Variants in MICAL2 observed in about 807,000 individuals in gnomAD.
MICAL2 encodes [F-actin]-monooxygenase MICAL2.
In MICAL2, 77 loss-of-function variants were observed where a neutral mutation model predicts 127.3. The observed-to-expected ratio is 0.60, with a 90% confidence interval of 0.50 to 0.73. The LOEUF is 0.73. Ranked by LOEUF, MICAL2 falls within the 30% of genes least tolerant of loss-of-function variation. The probability of loss-of-function intolerance (pLI) is 0.00; values close to 1 mark genes in which losing one functional copy is unlikely to be tolerated. For synonymous variants in MICAL2, 570 were observed against 551.1 expected (o/e 1.03, Z -0.48); for missense variants, 1,351 against 1,434.4 (o/e 0.94, Z 0.94).
At chr11:12,160,913 T>C (rs10765929) in intron 2 of MICAL2, among the ~76,000 whole-genome samples, 74,441 of 152,126 alleles carry the variant, frequency 0.49, 21,168 homozygotes, top group Middle Eastern at 0.68. Context: ...TCTCTGCTTT[T>C]AGTATTATAA....
intron 2 of MICAL2, among the ~76,000 whole-genome samples, chr11:12,141,274 C>A (rs966919197): frequency 2.6e-4 from 40 of 152,174 alleles, no homozygotes; most frequent in African/African-American, 9.4e-4. Flanking sequence ...GGGCGAGTCA[C>A]AGAACCTCAG....
Position 12,244,310 on chromosome 11 carries a change from C to T in MICAL2, c.2784+198C>T, listed in dbSNP as rs113989765. 8.5e-3 allele frequency among the ~76,000 whole-genome samples: 1,297 copies of T among 152,312 alleles called. 21 individuals are homozygous for T. Among genetic ancestry groups the T allele is most frequent in the African/African-American group, 0.029 (1,216 of 41,568 alleles). ...CGGCAGAACAGGCAGTGTACAAAAG[C>T]TTGCCAAACAGGGCTCATTCATTCA... is the stretch of plus-strand genomic sequence containing the variant. On this transcript the variant is annotated intron_variant, in intron 21 of 27. Coordinates refer to ENST00000683283, the MANE Select transcript of MICAL2 (RefSeq NM_001282663.2).
chr11:12,264,856 T>C (rs1863554306), downstream of MICAL2, among the ~76,000 whole-genome samples: 1 of 152,208 alleles, frequency 6.6e-6, no homozygotes, highest in South Asian at 2.1e-4. Context: ...TTCTAAGCCC[T>C]AGGTACAGCA....
intron 20 of MICAL2, 32 bp downstream of exon 20, chr11:12,242,804 C>T (rs774282911): frequency 6.6e-7 from 1 of 1,516,418 alleles, no homozygotes. Context: ...CCCCCAGGAA[C>T]CTGATGCTGG....
At chr11:12,194,285 C>T (rs1317896389) in intron 3 of MICAL2, among the ~76,000 whole-genome samples, 2 of 152,214 alleles carry the variant, frequency 1.3e-5, no homozygotes, top group Non-Finnish European at 2.9e-5. Context: ...TGAATCCTAG[C>T]TTCACCACTG....
intron 32 of MICAL2, among the ~76,000 whole-genome samples, chr11:12,336,469 A>C (rs923646398): frequency 2.6e-5 from 4 of 152,156 alleles, no homozygotes; most frequent in Non-Finnish European, 5.9e-5. Context: ...GATTGCCCTG[A>C]CCAGAACTTC....
At chr11:12,283,533 A>C (rs1158927961) in intron 2 of MICAL2, among the ~76,000 whole-genome samples, 1 of 152,194 alleles carries the variant, frequency 6.6e-6, no homozygotes, top group Non-Finnish European at 1.5e-5. Context: ...GCTACAACTT[A>C]GATGAACCTG....
At chr11:12,347,748 G>A (rs892795949) in intron 32 of MICAL2, among the ~76,000 whole-genome samples, 3 of 152,064 alleles carry the variant, frequency 2.0e-5, no homozygotes, top group African/African-American at 7.2e-5. Flanking sequence ...GTATACTACA[G>A]GATGTGTATA....
chr11:12,239,146 C>T (rs1859518128), intron 16 of MICAL2, among the ~76,000 whole-genome samples: 1 of 151,896 alleles, frequency 6.6e-6, no homozygotes, highest in African/African-American at 2.4e-5. Context: ...GAAAAAATGT[C>T]AGAGAAGTAA....
chr11:12,224,487 C>T (rs1265932751), intron 12 of MICAL2, 186 bp from the exon 13 acceptor site: 8 of 655,058 alleles, frequency 1.2e-5, no homozygotes, highest in Non-Finnish European at 2.6e-6. Flanking sequence ...CTGCCACACT[C>T]CTGACCAGGC....
intron 3 of MICAL2, among the ~76,000 whole-genome samples, chr11:12,177,806 C>G (rs1394674492): frequency 6.6e-6 from 1 of 152,206 alleles, no homozygotes; most frequent in Non-Finnish European, 1.5e-5. Context: ...GTGAGGCCTG[C>G]TTTCTCAGGA....
intron 9 of MICAL2, among the ~76,000 whole-genome samples, 180 bp downstream of exon 9, chr11:12,220,638 T>C (rs1021945549): frequency 6.6e-6 from 1 of 152,258 alleles, no homozygotes; most frequent in Non-Finnish European, 1.5e-5. Flanking sequence ...CAGAGGAGCC[T>C]ATTCTGCCTC....
At chr11:12,129,124 A>G (rs527780502) in intron 1 of MICAL2, among the ~76,000 whole-genome samples, 5 of 151,636 alleles carry the variant, frequency 3.3e-5, no homozygotes, top group Non-Finnish European at 7.4e-5. Context: ...GACCATGAAT[A>G]GAATTCAATC....
chr11:12,279,326 TG>T (rs1336096020), intron 1 of MICAL2, among the ~76,000 whole-genome samples: 1 of 151,890 alleles, frequency 6.6e-6, no homozygotes, highest in Non-Finnish European at 1.5e-5. Flanking sequence ...CGAGTAGATG[TG>T]GGGAGAACAT....
intron 1 of MICAL2, among the ~76,000 whole-genome samples, chr11:12,133,891 A>C (rs1423519588): frequency 6.6e-6 from 1 of 152,246 alleles, no homozygotes; most frequent in African/African-American, 2.4e-5. Context: ...TTATGAATAA[A>C]GGAGCAGCAG....
At chr11:12,242,633 A>C (rs1565233970) in intron 19 of MICAL2, 38 bp from the exon 20 acceptor site, 2 of 1,573,510 alleles carry the variant, frequency 1.3e-6, no homozygotes, top group Non-Finnish European at 1.7e-6. Context: ...CTCTGTCACT[A>C]TCTCTCTTTT....
chr11:12,272,542 A>G (rs997859382), upstream of MICAL2, among the ~76,000 whole-genome samples: 11 of 152,220 alleles, frequency 7.2e-5, no homozygotes, highest in African/African-American at 2.7e-4. Flanking sequence ...GCATTTGGGC[A>G]CACAGCTCAT....
intron 20 of MICAL2, 74 bp from the exon 21 acceptor site, chr11:12,243,913 G>T: frequency 6.4e-7 from 1 of 1,557,024 alleles, no homozygotes; most frequent in South Asian, 1.1e-5. Flanking sequence ...GCATGGGACT[G>T]CATGATTGAG....
intron 1 of MICAL2, among the ~76,000 whole-genome samples, chr11:12,127,299 A>G (rs961757127): frequency 6.6e-6 from 1 of 152,136 alleles, no homozygotes; most frequent in Non-Finnish European, 1.5e-5. Flanking sequence ...GGCATTTTAC[A>G]TGTCTGCTCA....
Sources: gnomAD v4.1 joint callset for allele counts (sites outside exome capture counted in the v4.1 genomes callset) on GRCh38, gnomAD v4.1.1 for gene constraint, MANE v1.5 for transcripts, NCBI Gene and HGNC (gene_info 2026-07-23, HGNC 2026-07-21) for gene names.